APP: variants seen among roughly 807,000 people sequenced by gnomAD.
The protein encoded by APP is amyloid-beta precursor protein.
In APP, 31 loss-of-function variants were observed where a neutral mutation model predicts 101.4. That is an observed-to-expected ratio of 0.31 (90% confidence interval 0.23 to 0.41). The LOEUF (loss-of-function observed/expected upper bound fraction) is 0.41. Among genes scored for constraint, APP ranks in the 10% least tolerant of loss-of-function variants. The pLI, the probability that APP is intolerant of heterozygous loss-of-function variation, is 1.00. For synonymous variants in APP, 366 were observed against 364.4 expected (o/e 1.00, Z -0.05); for missense variants, 839 against 1,003.7 (o/e 0.84, Z 2.22).
intron 14 of APP, among the ~76,000 whole-genome samples, chr21:25,907,438 A>G (rs1029997187): frequency 3.9e-5 from 6 of 152,202 alleles, no homozygotes; most frequent in East Asian, 1.9e-4. Flanking sequence ...ATACTTTCCA[A>G]TTTTTCCAAT....
intron 2 of APP, among the ~76,000 whole-genome samples, chr21:26,100,509 G>T (rs779431379): frequency 2.0e-5 from 3 of 152,116 alleles, no homozygotes; most frequent in Non-Finnish European, 4.4e-5. Context: ...TTCCAACTCG[G>T]TAAGATTAAA....
At chr21:26,111,081 T>G (rs2062308502) in intron 2 of APP, among the ~76,000 whole-genome samples, 1 of 133,140 alleles carries the variant, frequency 7.5e-6, no homozygotes, top group Non-Finnish European at 1.6e-5. Flanking sequence ...GGATACAAAG[T>G]TAAGTTAAAA....
chr21:26,106,169 T>C (rs2062178165), intron 2 of APP, among the ~76,000 whole-genome samples: 1 of 152,114 alleles, frequency 6.6e-6, no homozygotes, highest in Non-Finnish European at 1.5e-5. Context: ...AGGACACCCA[T>C]CTTAGCAGGA....
chr21:26,146,609 G>C (rs768005131), intron 1 of APP, among the ~76,000 whole-genome samples: 2 of 152,080 alleles, frequency 1.3e-5, no homozygotes, highest in Non-Finnish European at 1.5e-5. Context: ...AACCCAGTGA[G>C]GGAAAAGAGA....
rs577288604 is a variant in APP at position 26,146,501 on chromosome 21, T to G, written c.57+24063A>C. Among the ~76,000 whole-genome samples, 9 of 152,374 alleles carry G rather than the reference T, an allele frequency of 5.9e-5. No individual in the cohort carries two copies. In the East Asian group the frequency reaches 1.7e-3, roughly 29 times the overall value. On this transcript the variant is annotated intron_variant, in intron 1 of 17. Coordinates refer to ENST00000346798, the MANE Select transcript of APP (RefSeq NM_000484.4). ...GTATTTTTTCCTGTGTACTATAAAA[T>G]TCTTTGCCTTTTTTGTCCACGTCTA...
chr21:25,891,981 G>A, intron 16 of APP, 113 bp from the exon 17 acceptor site: 2 of 1,120,776 alleles, frequency 1.8e-6, no homozygotes, highest in Non-Finnish European at 2.5e-6. Context: ...ATTTGGATGA[G>A]GTTATATAAA....
intron 8 of APP, among the ~76,000 whole-genome samples, chr21:25,986,568 C>CAG (rs1601120025): frequency 6.6e-6 from 1 of 152,024 alleles, no homozygotes; most frequent in Non-Finnish European, 1.5e-5. Context: ...GGTGTGGTGG[C>CAG]GCATGCCTGT....
chr21:25,964,422 G>A (rs2041706314), intron 11 of APP, among the ~76,000 whole-genome samples: 1 of 152,146 alleles, frequency 6.6e-6, no homozygotes, highest in South Asian at 2.1e-4. Flanking sequence ...ATTGCAGAAA[G>A]AGGAGAAAAA....
At chr21:26,017,195 T>G (rs2044125214) in intron 6 of APP, among the ~76,000 whole-genome samples, 2 of 2,818 alleles carry the variant, frequency 7.1e-4, no homozygotes, top group South Asian at 5.9e-3. Context: ...CGAGACTGTA[T>G]CTCAAAAAAA....
intron 2 of APP, among the ~76,000 whole-genome samples, chr21:26,094,017 G>T (rs947358017): frequency 6.6e-6 from 1 of 151,786 alleles, no homozygotes; most frequent in Non-Finnish European, 1.5e-5. Flanking sequence ...TCCGGAGGCT[G>T]AGGCAGGAGA....
intron 3 of APP, among the ~76,000 whole-genome samples, chr21:26,076,167 T>C (rs2061494309): frequency 6.6e-6 from 1 of 152,178 alleles, no homozygotes; most frequent in African/African-American, 2.4e-5. Context: ...GTGCTGGGAT[T>C]ACAGGTGTGA....
chr21:25,964,096 G>A (rs1007044975), intron 11 of APP, among the ~76,000 whole-genome samples: 5 of 152,180 alleles, frequency 3.3e-5, no homozygotes, highest in African/African-American at 1.2e-4. Context: ...CATAAGGCCA[G>A]AGCAAAACTT....
intron 8 of APP, among the ~76,000 whole-genome samples, chr21:25,996,710 A>G (rs929956122): frequency 1.3e-5 from 2 of 152,210 alleles, no homozygotes; most frequent in African/African-American, 4.8e-5. Flanking sequence ...TCATCAGGAG[A>G]TCACCTCAAG....
intron 6 of APP, among the ~76,000 whole-genome samples, chr21:26,004,602 C>A (rs1231451104): frequency 6.6e-6 from 1 of 152,070 alleles, no homozygotes; most frequent in Admixed American, 6.6e-5. Flanking sequence ...TCTATTAATT[C>A]TTTCAACTGC....
chr21:25,892,000 G>A, intron 16 of APP, 132 bp from the exon 17 acceptor site: 1 of 762,876 alleles, frequency 1.3e-6, no homozygotes, highest in Non-Finnish European at 2.0e-6. Context: ...AAAAGTTTCA[G>A]TATATTCTCT....
At chr21:26,033,529 G>A (rs1318218909) in intron 5 of APP, among the ~76,000 whole-genome samples, 3 of 152,194 alleles carry the variant, frequency 2.0e-5, no homozygotes, top group African/African-American at 7.2e-5. Flanking sequence ...CCAATTCTCA[G>A]TATGGTGGAG....
At chr21:26,078,875 C>T (rs1248097436) in intron 3 of APP, among the ~76,000 whole-genome samples, 1 of 152,104 alleles carries the variant, frequency 6.6e-6, no homozygotes, top group South Asian at 2.1e-4. Context: ...GAAACCCCGT[C>T]TCTACTAAAA....
At chr21:26,114,428 G>C (rs556019012) in intron 1 of APP, among the ~76,000 whole-genome samples, 4 of 152,224 alleles carry the variant, frequency 2.6e-5, no homozygotes, top group South Asian at 4.1e-4. Flanking sequence ...TGTAACTTCC[G>C]AGCATGTATA....
At chr21:26,158,589 G>GA (rs1287304569) in intron 1 of APP, among the ~76,000 whole-genome samples, 2 of 152,170 alleles carry the variant, frequency 1.3e-5, no homozygotes, top group African/African-American at 2.4e-5. Context: ...ACTGAACCAT[G>GA]AATATCAATG....
Sources: allele counts gnomAD v4.1 joint callset (sites outside exome capture counted in the v4.1 genomes callset), GRCh38; gene constraint gnomAD v4.1.1; transcripts MANE v1.5; gene names NCBI Gene and HGNC (gene_info 2026-07-23, HGNC 2026-07-21).